The following TFEB variants were observed in gnomAD, a reference collection of about 807,000 sequenced individuals.
TFEB encodes the protein T-cell transcription factor EB.
A neutral mutation model predicts 48.0 loss-of-function variants in TFEB; 12 were observed. That is an observed-to-expected ratio of 0.25 (90% CI 0.16 to 0.40). The LOEUF (loss-of-function observed/expected upper bound fraction) is 0.40, where lower values mean the gene tolerates loss of function less well. TFEB is among the 10% of genes least tolerant of loss of function. TFEB has a pLI of 1.00. For missense variants in TFEB, 509 were observed against 640.3 expected, an observed-to-expected ratio of 0.79 and a Z score of 2.21; for synonymous variants, 244 against 261.4, an observed-to-expected ratio of 0.93 and a Z score of 0.64.
intron 1 of TFEB, among the ~76,000 whole-genome samples, chr6:41,732,365 G>A (rs1048971321): frequency 6.6e-6 from 1 of 152,182 alleles, no homozygotes; most frequent in Non-Finnish European, 1.5e-5. Flanking sequence ...TAACCTCTCT[G>A]AGTAAGTAAG....
chr6:41,732,580 CCACACA>C, intron 1 of TFEB: 1 of 985,892 alleles, frequency 1.0e-6, no homozygotes, highest in African/African-American at 1.7e-5. Flanking sequence ...GACACTTTAA[CCACACA>C]CACAAACTCA....
intron 1 of TFEB, among the ~76,000 whole-genome samples, chr6:41,727,506 C>T (rs1771263777): frequency 6.6e-6 from 1 of 152,164 alleles, no homozygotes; most frequent in Non-Finnish European, 1.5e-5. Flanking sequence ...GCCTGGGCAA[C>T]ATGGTGAGAT....
At chr6:41,712,431 C>A (rs1770523699) in intron 1 of TFEB, among the ~76,000 whole-genome samples, 1 of 152,206 alleles carries the variant, frequency 6.6e-6, no homozygotes, top group Non-Finnish European at 1.5e-5. Flanking sequence ...TGGGCTCCAA[C>A]CCCGGCTCTG....
Position 41,723,413 on chromosome 6 carries a change from TCACA to T in TFEB, c.-23+11933_-23+11936del. The T allele has an allele frequency of 8.8e-7, 1 of 1,133,110 alleles. No homozygotes were observed. Among genetic ancestry groups the T allele is most frequent in the Non-Finnish European group, 1.2e-6 (1 of 848,346 alleles). 70.2% of individuals were successfully genotyped at this position (1,133,110 alleles called of 1,614,324 possible). On this transcript the variant is annotated intron_variant, in intron 1 of 8. Coordinates refer to ENST00000373033, the MANE Select transcript of TFEB (RefSeq NM_001271944.2). The surrounding 1 kb of genome is among the most constrained non-coding windows in gnomAD (Gnocchi z 6.0). The stretch of plus-strand genomic sequence containing the variant: ...CATGGACACACATTCACACACATGC[TCACA>T]CACATGCACACACTCACACACATGC...
rs956347869 is a variant in TFEB, at chr6:41,717,756, A to C, written c.-23+17594T>G. ...CACAACACTTCTCTGAGGACAAAGG[A>C]AGAAGGAAGAGGAAGAGGTATCCTG... is the stretch of plus-strand genomic sequence containing the variant. On this transcript the variant is annotated intron_variant, in intron 1 of 8. Coordinates refer to ENST00000373033, the MANE Select transcript of TFEB (RefSeq NM_001271944.2). Among the ~76,000 whole-genome samples, 8 of 152,160 alleles carry C rather than the reference A, an allele frequency of 5.3e-5. No homozygotes were observed. The East Asian group carries it at 7.7e-4, about 15-fold the overall frequency.
At chr6:41,699,373 C>G (rs1043142958) in intron 1 of TFEB, among the ~76,000 whole-genome samples, 1 of 152,218 alleles carries the variant, frequency 6.6e-6, no homozygotes, top group Admixed American at 6.5e-5. Flanking sequence ...CACACATACA[C>G]ACATACACAC....
chr6:41,722,255 C>T (rs1424050253), intron 1 of TFEB, among the ~76,000 whole-genome samples: 1 of 152,218 alleles, frequency 6.6e-6, no homozygotes, highest in Admixed American at 6.5e-5. Context: ...GCTGGGATTA[C>T]AGGCGTGAGC....
intron 7 of TFEB, 144 bp downstream of exon 7, chr6:41,686,950 G>A (rs1449605229): frequency 8.4e-6 from 6 of 717,706 alleles, no homozygotes; most frequent in Admixed American, 2.2e-5. Context: ...ATTTGGGAGA[G>A]GGAGAGATCT....
intron 1 of TFEB, among the ~76,000 whole-genome samples, chr6:41,695,981 G>T (rs1268855902): frequency 1.3e-5 from 2 of 152,174 alleles, no homozygotes; most frequent in Non-Finnish European, 1.5e-5. Flanking sequence ...TAGGCCAGCC[G>T]CGGTCCCTGG....
rs1771386913 is a variant in TFEB, at chr6:41,730,050, C to A, written c.-23+5300G>T. On this transcript the variant is annotated intron_variant, in intron 1 of 8. Coordinates refer to ENST00000373033, the MANE Select transcript of TFEB (RefSeq NM_001271944.2). The surrounding 1 kb of genome is among the most constrained non-coding windows in gnomAD (Gnocchi z 4.1). ...CCCAGCATCTGTGTTTAAACAATTC[C>A]TCCAGGGAGTTCTCATGCATGCCCA... Among the ~76,000 whole-genome samples, 2 of 152,138 alleles carry A rather than the reference C, an allele frequency of 1.3e-5. No homozygotes were observed. The highest frequency in any genetic ancestry group is 4.8e-5 in the African/African-American group (2 of 41,412).
intron 1 of TFEB, among the ~76,000 whole-genome samples, chr6:41,693,708 G>T (rs1053286016): frequency 6.6e-6 from 1 of 152,054 alleles, no homozygotes; most frequent in African/African-American, 2.4e-5. Context: ...TAAAGGGGCT[G>T]TCTCAGCTCC....
chr6:41,734,858 C>T lies in TFEB; in HGVS notation c.-23+492G>A. 2 of 983,234 alleles carry T rather than the reference C, an allele frequency of 2.0e-6. No homozygotes were observed. Among genetic ancestry groups the T allele is most frequent in the South Asian group, 4.7e-5 (1 of 21,256 alleles). The allele number at this position is 983,234 out of a possible 1,614,324, so 60.9% of individuals were successfully genotyped here. A position where few individuals can be genotyped will look rare whatever the true frequency, so the allele number is the denominator to read the frequency against. On this transcript the variant is annotated intron_variant, in intron 1 of 8. Coordinates refer to ENST00000373033, the MANE Select transcript of TFEB (RefSeq NM_001271944.2). This position sits in a 1 kb window ranked among gnomAD's most constrained non-coding sequence, Gnocchi z 4.0. Reference sequence around the variant, plus strand: ...CGCCGCTCTGGCCCTCCCACTCCCCCCGCTGGCCTGGCCAGACTCAGCCCC... The same window carrying T: ...CGCCGCTCTGGCCCTCCCACTCCCCTCGCTGGCCTGGCCAGACTCAGCCCC...
chr6:41,732,703 G>A lies in TFEB; in HGVS notation c.-23+2647C>T, dbSNP rs2127280192. 3.0e-6 allele frequency: 3 copies of A among 985,760 alleles called. No individual in the cohort carries two copies. The South Asian group carries it at 1.4e-4, about 46-fold the overall frequency. The allele number at this position is 985,760 out of a possible 1,614,324, so 61.1% of individuals were successfully genotyped here. ...CCTCACAACAGCCTGTGAGGTGGGT[G>A]TGTTTTCATCTCCCTCCTCTCAGAT... On this transcript the variant is annotated intron_variant, in intron 1 of 8. Coordinates refer to ENST00000373033, the MANE Select transcript of TFEB (RefSeq NM_001271944.2).
intron 8 of TFEB, among the ~76,000 whole-genome samples, chr6:41,685,753 C>T (rs1417282593): frequency 1.3e-5 from 2 of 152,204 alleles, no homozygotes; most frequent in Non-Finnish European, 2.9e-5. Flanking sequence ...AGTGTGCTTG[C>T]ATTGGCCAAG....
chr6:41,687,898 G>T lies in TFEB; in HGVS notation c.670+10C>A, dbSNP rs1231001357. 6.2e-7 allele frequency: 1 copy of T among 1,612,136 alleles called. No individual in the cohort carries two copies. Among genetic ancestry groups the T allele is most frequent in the African/African-American group, 1.3e-5 (1 of 74,904 alleles). ...GTATTCAAAGGCACAGGGGTAGAGGGAGGCAGTACCTGTGAGCTCTCGCTT... is the reference window on the plus strand; with the variant it reads ...GTATTCAAAGGCACAGGGGTAGAGGTAGGCAGTACCTGTGAGCTCTCGCTT... On this transcript the variant is annotated intron_variant, in intron 5 of 8. Coordinates refer to ENST00000373033, the MANE Select transcript of TFEB (RefSeq NM_001271944.2).
chr6:41,706,282 G>A (rs1024791000), intron 1 of TFEB, among the ~76,000 whole-genome samples: 1 of 152,308 alleles, frequency 6.6e-6, no homozygotes, highest in African/African-American at 2.4e-5. Context: ...GGGCAGAAGG[G>A]GGAATTAACC....
At chr6:41,715,715 A>G (rs1332627336) in intron 1 of TFEB, among the ~76,000 whole-genome samples, 1 of 151,644 alleles carries the variant, frequency 6.6e-6, no homozygotes, top group Non-Finnish European at 1.5e-5. Flanking sequence ...AGGTCCTCCC[A>G]TGCTCCCAGT....
intron 1 of TFEB, among the ~76,000 whole-genome samples, chr6:41,708,648 G>T (rs2127243755): frequency 6.6e-6 from 1 of 152,314 alleles, no homozygotes; most frequent in East Asian, 1.9e-4. Context: ...TGCTCCCTGG[G>T]GGAGCCTCCC....
In TFEB at chr6:41,686,081, G is replaced by C; in HGVS notation, c.951+9C>G. ...GAGTTACCAAAGAAGTCCAAGTTCA[G>C]GACCAGACCTGGATACGGAGCCAGA... On this transcript the variant is annotated intron_variant, in intron 8 of 8. Coordinates refer to ENST00000373033, the MANE Select transcript of TFEB (RefSeq NM_001271944.2). 1.9e-6 allele frequency: 3 copies of C among 1,614,244 alleles called. 1 individual carries two copies. The East Asian group carries it at 6.7e-5, about 36-fold the overall frequency.
Sources: gnomAD v4.1 joint callset for allele counts (sites outside exome capture counted in the v4.1 genomes callset) on GRCh38, gnomAD v4.1.1 for gene constraint, Gnocchi (gnomAD v3.1) non-coding constraint, MANE v1.5 for transcripts, NCBI Gene and HGNC (gene_info 2026-07-23, HGNC 2026-07-21) for gene names.